The following DEPDC5 variants were observed in gnomAD, a reference collection of about 807,000 sequenced individuals.
DEPDC5 encodes GATOR1 complex protein DEPDC5.
In DEPDC5, 73 loss-of-function variants were observed where a neutral mutation model predicts 217.3. That is an observed-to-expected ratio of 0.34 (90% CI 0.28 to 0.41). The LOEUF (loss-of-function observed/expected upper bound fraction) is 0.41. Among genes scored for constraint, DEPDC5 ranks in the 10% least tolerant of loss-of-function variants. The probability of loss-of-function intolerance (pLI) is 1.00; values close to 1 mark genes in which losing one functional copy is unlikely to be tolerated. For missense variants in DEPDC5, 1,675 were observed against 2,070.1 expected, an observed-to-expected ratio of 0.81 and a Z score of 3.70; for synonymous variants, 733 against 756.7, an observed-to-expected ratio of 0.97 and a Z score of 0.51.
chr22:31,768,655 T>G (rs1366678444), intron 6 of DEPDC5, among the ~76,000 whole-genome samples, 159 bp from the exon 7 acceptor site: 2 of 152,226 alleles, frequency 1.3e-5, no homozygotes, highest in Non-Finnish European at 2.9e-5. Flanking sequence ...AATCTATTAC[T>G]CACAAGCTAG....
At chr22:31,755,897 A>G (rs921889752) in intron 2 of DEPDC5, among the ~76,000 whole-genome samples, 1 of 151,478 alleles carries the variant, frequency 6.6e-6, no homozygotes, top group African/African-American at 2.4e-5. Context: ...TTTTTGAGAC[A>G]GAGTCTCGCT....
chr22:31,787,631 CCT>C (rs2148450282), intron 10 of DEPDC5, among the ~76,000 whole-genome samples: 1 of 151,876 alleles, frequency 6.6e-6, no homozygotes, highest in Non-Finnish European at 1.5e-5. Flanking sequence ...AAAACGAGAC[CCT>C]GTCTCTACAA....
Position 31,843,152 on chromosome 22 carries a change from G to A in DEPDC5, c.2573G>A (p.Arg858Lys), listed in dbSNP as rs760476234. Reference sequence around the variant, plus strand: ...GACCAGTATTGGCTGAGTATGGGCAGAACGTTCCACAAAGTGACGCTGAAG... The same window carrying A: ...GACCAGTATTGGCTGAGTATGGGCAAAACGTTCCACAAAGTGACGCTGAAG... ...EEDQYWLSMG[R>K]TFHKVTLKDK... The change falls in exon 28 of 43, where the codon AGA (arginine) becomes AAA (lysine). Residue 858 changes from arginine (R) to lysine (K), a missense_variant. Physicochemically the swap from Arg to Lys is conservative, Grantham distance 26 (BLOSUM62 2). Coordinates refer to ENST00000651528, the MANE Select transcript of DEPDC5 (RefSeq NM_001242896.3). The A allele has an allele frequency of 6.2e-7, 1 of 1,614,198 alleles. No homozygotes were observed. The highest frequency in any genetic ancestry group is 8.5e-7 in the Non-Finnish European group (1 of 1,180,052).
intron 2 of DEPDC5, chr22:31,755,597 G>C (rs1229350650): frequency 4.0e-5 from 6 of 150,390 alleles, no homozygotes. Flanking sequence ...TTGGGACACG[G>C]TCCCCCATGT....
At chr22:31,771,900 C>T (rs886909322) in intron 7 of DEPDC5, among the ~76,000 whole-genome samples, 1 of 151,666 alleles carries the variant, frequency 6.6e-6, no homozygotes, top group Non-Finnish European at 1.5e-5. Flanking sequence ...AAACCCCATC[C>T]CTACAAAAAA....
At chr22:31,796,213 G>A (rs1485470627) in intron 12 of DEPDC5, among the ~76,000 whole-genome samples, 2 of 149,858 alleles carry the variant, frequency 1.3e-5, no homozygotes, top group Non-Finnish European at 2.9e-5. Flanking sequence ...CCATTCTCCT[G>A]CCTCAGCCTC....
rs1160440298 is a variant in DEPDC5, at chr22:31,816,298, C to CA, written c.1666+1099dup. ...TGGGTGACAGAGGGAGACTCCACCT[C>CA]AAAAAAAAAAAAACAAAAAACTTTT... On this transcript the variant is annotated intron_variant, in intron 21 of 42. Coordinates refer to ENST00000651528, the MANE Select transcript of DEPDC5 (RefSeq NM_001242896.3). 276 of 96,436 alleles carry CA rather than the reference C, an allele frequency of 2.9e-3. 1 individual carries two copies. Among genetic ancestry groups the CA allele is most frequent in the Admixed American group, 6.5e-3 (57 of 8,778 alleles). 6.0% of individuals were successfully genotyped at this position (96,436 alleles called of 1,614,324 possible). A position where few individuals can be genotyped will look rare whatever the true frequency, so the allele number is the denominator to read the frequency against.
chr22:31,810,797 T>C, intron 20 of DEPDC5, 156 bp downstream of exon 20: 3 of 1,244,398 alleles, frequency 2.4e-6, no homozygotes, highest in South Asian at 1.5e-5. Context: ...TTTTTTGAGA[T>C]GGAGTTTCGC....
intron 27 of DEPDC5, among the ~76,000 whole-genome samples, chr22:31,841,780 G>A (rs113859735): frequency 1.3e-5 from 2 of 152,120 alleles, no homozygotes; most frequent in Admixed American, 6.6e-5. Flanking sequence ...AGTAACCTCC[G>A]GTCCTTTTGT....
At chr22:31,834,867 G>T (rs1042220662) in intron 25 of DEPDC5, among the ~76,000 whole-genome samples, 2 of 152,040 alleles carry the variant, frequency 1.3e-5, no homozygotes, top group African/African-American at 4.8e-5. Context: ...ATTTGTTCAG[G>T]TCCCTCCTAG....
At chr22:31,843,033 A>G in intron 27 of DEPDC5, 62 bp from the exon 28 acceptor site, 3 of 1,263,590 alleles carry the variant, frequency 2.4e-6, no homozygotes, top group Non-Finnish European at 3.4e-6. Flanking sequence ...TGGATGAGAA[A>G]CAATTGTCTG....
intron 33 of DEPDC5, among the ~76,000 whole-genome samples, chr22:31,865,901 G>A (rs140269134): frequency 6.6e-4 from 101 of 152,256 alleles, no homozygotes; most frequent in Middle Eastern, 6.8e-3. Flanking sequence ...CTCTGTCTGC[G>A]TGGCAGGAGC....
chr22:31,897,126 AG>A (rs1273608707), intron 39 of DEPDC5, among the ~76,000 whole-genome samples: 1 of 151,942 alleles, frequency 6.6e-6, no homozygotes, highest in African/African-American at 2.4e-5. Context: ...AAAAAAAAAA[AG>A]GACAAAATTA....
At chr22:31,817,685 A>T (rs899022765) in intron 21 of DEPDC5, among the ~76,000 whole-genome samples, 1 of 148,546 alleles carries the variant, frequency 6.7e-6, no homozygotes, top group Non-Finnish European at 1.5e-5. Context: ...GACGGTCTCA[A>T]TCTGTTGCCC....
At chr22:31,881,886 C>T (rs1000995199) in intron 38 of DEPDC5, among the ~76,000 whole-genome samples, 1 of 150,082 alleles carries the variant, frequency 6.7e-6, no homozygotes, top group African/African-American at 2.5e-5. Context: ...GCAGAGGTTG[C>T]GGTGAGCCTA....
At position 31,812,717 on chromosome 22, in the gene DEPDC5, C is replaced by T. The variant is rs570713487; in HGVS notation, c.1445+2076C>T. 2.0e-5 allele frequency among the ~76,000 whole-genome samples: 3 copies of T among 147,504 alleles called. 1 individual carries two copies. Among genetic ancestry groups the T allele is most frequent in the Non-Finnish European group, 4.5e-5 (3 of 66,350 alleles). ...GGGATTACAGGCGTGAGCCACCGCG[C>T]CCGGCCAATTTTCCAGATTTCTTTC... is the stretch of plus-strand genomic sequence containing the variant. On this transcript the variant is annotated intron_variant, in intron 20 of 42. Coordinates refer to ENST00000651528, the MANE Select transcript of DEPDC5 (RefSeq NM_001242896.3).
intron 31 of DEPDC5, among the ~76,000 whole-genome samples, chr22:31,851,863 C>T (rs988427575): frequency 6.6e-6 from 1 of 152,170 alleles, no homozygotes; most frequent in African/African-American, 2.4e-5. Context: ...CTTACACATT[C>T]TCATGGCAAG....
chr22:31,853,648 C>A (rs1247209579), intron 31 of DEPDC5, among the ~76,000 whole-genome samples: 1 of 152,262 alleles, frequency 6.6e-6, no homozygotes, highest in Admixed American at 6.5e-5. Flanking sequence ...AGTTTTCTTC[C>A]CATCTTTATC....
chr22:31,838,811 G>A lies in DEPDC5; in HGVS notation c.2481G>A (p.Pro827=), dbSNP rs61731664. 28,781 of 1,613,968 alleles carry A rather than the reference G, an allele frequency of 0.018. 288 individuals are homozygous for A. The highest frequency in any genetic ancestry group is 0.022 in the South Asian group (2,037 of 91,076). The part of the protein sequence containing the change: ...PKTQKPNPAV[P]PPLSSSPLYS... The stretch of plus-strand genomic sequence containing the variant: ...CACAGAAACCCAATCCTGCTGTCCC[G>A]CCCCCGCTGAGCAGTAGCCCACTCT... The change falls in exon 27 of 43, where the codon CCG becomes CCA. Residue 827 remains proline, a synonymous_variant. Coordinates refer to ENST00000651528, the MANE Select transcript of DEPDC5 (RefSeq NM_001242896.3).
Sources: allele counts gnomAD v4.1 joint callset (sites outside exome capture counted in the v4.1 genomes callset), GRCh38; gene constraint gnomAD v4.1.1; transcripts MANE v1.5; gene names NCBI Gene and HGNC (gene_info 2026-07-23, HGNC 2026-07-21).